LRP12: variants seen among roughly 807,000 people sequenced by gnomAD.
LRP12 encodes the protein LDL receptor related protein 12, also known as low-density lipoprotein receptor-related protein 12.
Under a neutral mutation model 66.0 loss-of-function variants are expected in LRP12, and 14 were observed. The observed-to-expected ratio is 0.21, with a 90% confidence interval of 0.14 to 0.33. The LOEUF (loss-of-function observed/expected upper bound fraction) is 0.33, where lower values mean the gene tolerates loss of function less well. LRP12 is among the 10% of genes least tolerant of loss of function. The probability of loss-of-function intolerance (pLI) is 1.00; values close to 1 mark genes in which losing one functional copy is unlikely to be tolerated. For missense variants in LRP12, 889 were observed against 1,053.4 expected, an observed-to-expected ratio of 0.84 and a Z score of 2.16; for synonymous variants, 357 against 359.1, an observed-to-expected ratio of 0.99 and a Z score of 0.07.
chr8:104,542,068 C>T (rs1297087065), intron 1 of LRP12, among the ~76,000 whole-genome samples: 1 of 152,142 alleles, frequency 6.6e-6, no homozygotes, highest in Non-Finnish European at 1.5e-5. Flanking sequence ...TTCTGAGGAA[C>T]TGCCAAGCTG....
chr8:104,499,937 T>C (rs189307741), intron 3 of LRP12, among the ~76,000 whole-genome samples: 1 of 152,326 alleles, frequency 6.6e-6, no homozygotes, highest in African/African-American at 2.4e-5. Flanking sequence ...CTTAGATTAA[T>C]ACCTGCTTAA....
chr8:104,568,959 CAA>C (rs1329924239), intron 1 of LRP12, among the ~76,000 whole-genome samples: 1 of 152,142 alleles, frequency 6.6e-6, no homozygotes, highest in Admixed American at 6.5e-5. Context: ...TGTGTCCACA[CAA>C]AAACTTTCAC....
At chr8:104,575,149 C>A (rs537297969) in intron 1 of LRP12, among the ~76,000 whole-genome samples, 2 of 152,322 alleles carry the variant, frequency 1.3e-5, no homozygotes, top group South Asian at 2.1e-4. Flanking sequence ...TAAAAACTAG[C>A]CAGATCCCCT....
chr8:104,561,046 C>T (rs1811899620), intron 1 of LRP12, among the ~76,000 whole-genome samples: 1 of 152,124 alleles, frequency 6.6e-6, no homozygotes, highest in Non-Finnish European at 1.5e-5. Context: ...CTCTGTGGGC[C>T]ATACGGTTTC....
chr8:104,508,073 T>C (rs1399668399), intron 3 of LRP12: 1 of 152,206 alleles, frequency 6.6e-6, no homozygotes, highest in African/African-American at 2.4e-5. Flanking sequence ...CATGAAAACA[T>C]GTTGAAGGTG....
intron 1 of LRP12, among the ~76,000 whole-genome samples, chr8:104,536,315 C>T (rs1021165979): frequency 1.3e-5 from 2 of 151,982 alleles, no homozygotes; most frequent in African/African-American, 4.8e-5. Flanking sequence ...TTGATTCTCC[C>T]ATACTAGGTT....
intron 1 of LRP12, among the ~76,000 whole-genome samples, chr8:104,575,418 G>A (rs7821042): frequency 0.031 from 4,666 of 152,286 alleles, 234 homozygotes; most frequent in African/African-American, 0.11. Context: ...CCAATCCAGC[G>A]CAGTGGATTT....
chr8:104,560,497 C>A (rs1285866706), intron 1 of LRP12, among the ~76,000 whole-genome samples: 1 of 152,104 alleles, frequency 6.6e-6, no homozygotes, highest in African/African-American at 2.4e-5. Context: ...ACACTAAAAC[C>A]TACCATAGAT....
intron 1 of LRP12, among the ~76,000 whole-genome samples, chr8:104,580,707 A>T (rs773083349): frequency 1.3e-4 from 20 of 152,216 alleles, no homozygotes; most frequent in Non-Finnish European, 2.4e-4. Flanking sequence ...CAATCAGAGA[A>T]ATGCAAATCA....
chr8:104,541,422 T>A (rs1811474316), intron 1 of LRP12, among the ~76,000 whole-genome samples: 1 of 152,132 alleles, frequency 6.6e-6, no homozygotes, highest in African/African-American at 2.4e-5. Flanking sequence ...TTCACAAGAA[T>A]AAATATGAGT....
intron 3 of LRP12, among the ~76,000 whole-genome samples, chr8:104,499,892 T>C (rs1216949410): frequency 1.3e-5 from 2 of 152,196 alleles, no homozygotes. Flanking sequence ...CCCAATCTGA[T>C]GAATTGAAGT....
At position 104,575,937 on chromosome 8, in the gene LRP12, T is replaced by C. The variant is rs112844378; in HGVS notation, c.79+12882A>G. On this transcript the variant is annotated intron_variant, in intron 1 of 6. Coordinates refer to ENST00000276654, the MANE Select transcript of LRP12 (RefSeq NM_013437.5). The stretch of plus-strand genomic sequence containing the variant: ...ACAGAAAAGAATGTAACAGACCTGA[T>C]AGAGCTGAAAAACACACTTTAAGAA... 5.1e-3 allele frequency among the ~76,000 whole-genome samples: 769 copies of C among 152,166 alleles called. 8 individuals carry two copies. Among genetic ancestry groups the C allele is most frequent in the African/African-American group, 0.017 (716 of 41,522 alleles).
chr8:104,510,835 T>C (rs1810982520), intron 2 of LRP12, among the ~76,000 whole-genome samples: 1 of 152,050 alleles, frequency 6.6e-6, no homozygotes, highest in African/African-American at 2.4e-5. Flanking sequence ...GACTGTTGTA[T>C]TATATCATCA....
intron 1 of LRP12, among the ~76,000 whole-genome samples, chr8:104,581,464 C>A (rs1588512682): frequency 6.6e-6 from 1 of 151,394 alleles, no homozygotes; most frequent in East Asian, 1.9e-4. Flanking sequence ...TAATTGTGTA[C>A]AACAAACCCC....
intron 1 of LRP12, among the ~76,000 whole-genome samples, chr8:104,547,984 A>C (rs1331938302): frequency 1.8e-5 from 2 of 113,206 alleles, no homozygotes; most frequent in African/African-American, 8.1e-5. Flanking sequence ...TATAATATAT[A>C]ATTGTTATAT....
intron 3 of LRP12, among the ~76,000 whole-genome samples, chr8:104,503,494 A>C (rs1416667131): frequency 6.6e-6 from 1 of 152,162 alleles, no homozygotes; most frequent in African/African-American, 2.4e-5. Flanking sequence ...AATGCTTCAT[A>C]GTACTTTGTG....
chr8:104,510,728 G>A (rs1043149005), intron 2 of LRP12, among the ~76,000 whole-genome samples: 9 of 152,102 alleles, frequency 5.9e-5, no homozygotes, highest in African/African-American at 2.2e-4. Context: ...ACAGTTATCA[G>A]AAGTGACGAG....
intron 1 of LRP12, among the ~76,000 whole-genome samples, chr8:104,567,346 G>A (rs980441460): frequency 1.3e-5 from 2 of 152,108 alleles, no homozygotes; most frequent in African/African-American, 4.8e-5. Flanking sequence ...CGAACCAAAA[G>A]TGGAAACCCC....
intron 1 of LRP12, among the ~76,000 whole-genome samples, chr8:104,563,930 C>G (rs1811954837): frequency 6.6e-6 from 1 of 152,124 alleles, no homozygotes; most frequent in Admixed American, 6.6e-5. Context: ...TATACATAAA[C>G]AAAAACACAA....
Sources: allele counts gnomAD v4.1 joint callset (sites outside exome capture counted in the v4.1 genomes callset), GRCh38; gene constraint gnomAD v4.1.1; transcripts MANE v1.5; gene names NCBI Gene and HGNC (gene_info 2026-07-23, HGNC 2026-07-21).